Variants in XIAP observed in about 807,000 individuals in gnomAD.
XIAP encodes E3 ubiquitin-protein ligase XIAP.
In XIAP, 3 loss-of-function variants were observed where a neutral mutation model predicts 33.1. The observed-to-expected ratio is 0.09, with a 90% CI of 0.04 to 0.23. The LOEUF is 0.23. Ranked by LOEUF, XIAP falls within the 10% of genes least tolerant of loss-of-function variation. XIAP has a pLI of 1.00. For synonymous variants in XIAP, 98 were observed against 121.3 expected (o/e 0.81, Z 1.26); for missense variants, 264 against 363.0 (o/e 0.73, Z 2.22).
intron 6 of XIAP, among the ~76,000 whole-genome samples, chrX:123,904,247 T>TTTG (rs1291144835): frequency 9.0e-6 from 1 of 111,563 alleles, no homozygotes; most frequent in African/African-American, 3.3e-5. Flanking sequence ...TGTTTGTTTG[T>TTTG]TTTTAACTCG....
intron 1 of XIAP, among the ~76,000 whole-genome samples, chrX:123,883,320 G>C (rs2053321160): frequency 9.0e-6 from 1 of 111,009 alleles, no homozygotes; most frequent in African/African-American, 3.3e-5. Context: ...CTGACCTCAA[G>C]TTATCCGGCC....
intron 5 of XIAP, 151 bp downstream of exon 5, chrX:123,892,924 G>T: frequency 2.1e-6 from 1 of 475,890 alleles, no homozygotes; most frequent in East Asian, 4.4e-5. Flanking sequence ...GGGTTCAACC[G>T]ATTCTCCTGC....
upstream of XIAP, chrX:123,859,924 G>A (rs2053062338): frequency 3.9e-6 from 1 of 255,094 alleles, no homozygotes; most frequent in Non-Finnish European, 7.5e-6. Flanking sequence ...AAAAATGGCG[G>A]AGGGGGGAAG....
rs189427762 is a variant in XIAP, at chrX:123,884,416, G to A, written c.-32-1215G>A. On this transcript the variant is annotated intron_variant, in intron 1 of 6. Coordinates refer to ENST00000371199, the MANE Select transcript of XIAP (RefSeq NM_001167.4). ...GGATAATTGCTTGAACCTGGGAGGC[G>A]GAGGTCGCATGAACCAGTATCACAC... 5.5e-5 allele frequency among the ~76,000 whole-genome samples: 6 copies of A among 109,467 alleles called. No homozygotes were observed. In the East Asian group the frequency reaches 1.1e-3, roughly 21 times the overall value.
chrX:123,894,763 C>T (rs1476558555), intron 5 of XIAP, among the ~76,000 whole-genome samples: 1 of 107,470 alleles, frequency 9.3e-6, no homozygotes, highest in Non-Finnish European at 1.9e-5. Context: ...GAGCAAAACT[C>T]TACCTCAAAA....
intron 6 of XIAP, among the ~76,000 whole-genome samples, chrX:123,905,670 G>A (rs1405499573): frequency 3.6e-5 from 4 of 112,334 alleles, no homozygotes; most frequent in Non-Finnish European, 7.5e-5. Flanking sequence ...CTAGAACCTA[G>A]TTAAGTGTCC....
At chrX:123,877,618 G>A in intron 1 of XIAP, among the ~76,000 whole-genome samples, 1 of 111,609 alleles carries the variant, frequency 9.0e-6, no homozygotes, top group Non-Finnish European at 1.9e-5. Flanking sequence ...AAGAATACTG[G>A]GAACATAAGA....
chrX:123,876,128 G>T (rs751359321), intron 1 of XIAP, among the ~76,000 whole-genome samples: 9 of 111,450 alleles, frequency 8.1e-5, no homozygotes, highest in African/African-American at 2.3e-4. Context: ...GCCCAGTCTG[G>T]TCTTAAATTC....
At chrX:123,888,870 G>T (rs1602546965) in intron 3 of XIAP, 152 bp downstream of exon 3, 1 of 500,299 alleles carries the variant, frequency 2.0e-6, no homozygotes, top group East Asian at 3.7e-5. Flanking sequence ...AGCCTTCTCT[G>T]ATGACCAAAA....
At chrX:123,859,830 G>T (rs1274544831), upstream of XIAP, 2 of 248,628 alleles carry the variant, frequency 8.0e-6, no homozygotes, top group Non-Finnish European at 1.5e-5. Context: ...GCCCCCATCC[G>T]GTTCGGGGAG....
rs1420581882 is a variant in XIAP at position 123,909,736 on chromosome X, T to G, written c.*2555T>G. On this transcript the variant is annotated 3_prime_UTR_variant, in exon 7 of 7. Transcript: ENST00000371199. The stretch of plus-strand genomic sequence containing the variant: ...CTTCCTCTCCATGAGTTGTGAAATT[T>G]AATGCACAACGCTGATGTGGCTAAC... 3.0e-6 allele frequency: 1 copy of G among 329,849 alleles called. No homozygotes were observed. The highest frequency in any genetic ancestry group is 9.7e-5 in the East Asian group (1 of 10,351). The allele number at this position is 329,849 out of a possible 1,213,427, so 27.2% of individuals were successfully genotyped here. A position where few individuals can be genotyped will look rare whatever the true frequency, so the allele number is the denominator to read the frequency against.
At chrX:123,903,223 T>C (rs2053529430) in intron 6 of XIAP, among the ~76,000 whole-genome samples, 1 of 105,067 alleles carries the variant, frequency 9.5e-6, no homozygotes, top group Non-Finnish European at 2.0e-5. Flanking sequence ...AGTTTCACTT[T>C]TGTTGCCCAG....
intron 6 of XIAP, among the ~76,000 whole-genome samples, chrX:123,901,896 G>C (rs924817492): frequency 9.0e-6 from 1 of 110,676 alleles, no homozygotes; most frequent in South Asian, 3.9e-4. Context: ...GCAATGGCAC[G>C]ATCTTGGCTC....
chrX:123,893,536 A>G (rs1292398315), intron 5 of XIAP, among the ~76,000 whole-genome samples: 1 of 110,914 alleles, frequency 9.0e-6, no homozygotes, highest in Non-Finnish European at 1.9e-5. Flanking sequence ...CAAAAAACAA[A>G]AATGAAAAAA....
chrX:123,878,995 A>G (rs2053272264), intron 1 of XIAP: 1 of 114,158 alleles, frequency 8.8e-6, no homozygotes, highest in Non-Finnish European at 1.8e-5. Context: ...GTTTGCACTC[A>G]TCATGTCTGT....
At chrX:123,888,003 T>A (rs1352173277) in intron 2 of XIAP, among the ~76,000 whole-genome samples, 4 of 67,203 alleles carry the variant, frequency 6.0e-5, no homozygotes, top group Admixed American at 1.6e-4. Context: ...ATAATAATAA[T>A]TAATAAATAA....
chrX:123,876,490 G>A (rs2053245362), intron 1 of XIAP, among the ~76,000 whole-genome samples: 1 of 111,036 alleles, frequency 9.0e-6, no homozygotes. Flanking sequence ...TATAGCTTGA[G>A]TCCAGGAATT....
At chrX:123,874,027 C>T (rs1286011958) in intron 1 of XIAP, 1 of 110,266 alleles carries the variant, frequency 9.1e-6, no homozygotes, top group Non-Finnish European at 1.9e-5. Flanking sequence ...AAGATAAGAA[C>T]CAAAGAACAT....
At chrX:123,894,096 A>G (rs370474288) in intron 5 of XIAP, among the ~76,000 whole-genome samples, 9 of 112,178 alleles carry the variant, frequency 8.0e-5, no homozygotes, top group East Asian at 5.6e-4. Context: ...TTTATCCCAT[A>G]CTGTCATTGT....
Sources: allele counts gnomAD v4.1 joint callset (sites outside exome capture counted in the v4.1 genomes callset), GRCh38; gene constraint gnomAD v4.1.1; transcripts MANE v1.5; gene names NCBI Gene and HGNC (gene_info 2026-07-23, HGNC 2026-07-21).